CCDC38: variants seen among roughly 807,000 people sequenced by gnomAD.
CCDC38 encodes the protein coiled-coil domain-containing protein 38.
In CCDC38, 69 loss-of-function variants were observed where a neutral mutation model predicts 72.8. That is an observed-to-expected ratio of 0.95 (90% CI 0.78 to 1.16). The LOEUF (loss-of-function observed/expected upper bound fraction) is 1.16. CCDC38 is among the 50% of genes most tolerant of loss of function. CCDC38 has a pLI of 0.00. For missense variants in CCDC38, 626 were observed against 638.9 expected (o/e 0.98, Z 0.22); for synonymous variants, 201 against 213.2 (o/e 0.94, Z 0.50).
chr12:95,896,550 G>C, intron 7 of CCDC38: 1 of 152,232 alleles, frequency 6.6e-6, no homozygotes, highest in South Asian at 2.1e-4. Flanking sequence ...GCTGCTTCAC[G>C]TATCACCAGT....
intron 7 of CCDC38, chr12:95,896,641 C>G (rs371218979): frequency 8.5e-5 from 13 of 152,216 alleles, no homozygotes; most frequent in Admixed American, 8.5e-4. Context: ...ACAAAGAACA[C>G]GAGGTGACAA....
chr12:95,910,871 A>G (rs2080086234), intron 4 of CCDC38, among the ~76,000 whole-genome samples: 1 of 152,198 alleles, frequency 6.6e-6, no homozygotes, highest in South Asian at 2.1e-4. Context: ...CTCTAAATGA[A>G]TAAATAATTC....
chr12:95,901,180 G>T (rs2079946475), intron 5 of CCDC38, among the ~76,000 whole-genome samples: 1 of 152,168 alleles, frequency 6.6e-6, no homozygotes, highest in African/African-American at 2.4e-5. Context: ...TTTTGAAAAA[G>T]AATATTTTTG....
At chr12:95,888,870 A>G (rs1325831854) in intron 9 of CCDC38, among the ~76,000 whole-genome samples, 1 of 151,890 alleles carries the variant, frequency 6.6e-6, no homozygotes, top group Non-Finnish European at 1.5e-5. Flanking sequence ...ATGCAGAACT[A>G]TGTACTGTTT....
chr12:95,895,753 C>CAA (rs2079880463), intron 7 of CCDC38, among the ~76,000 whole-genome samples: 1 of 53,624 alleles, frequency 1.9e-5, no homozygotes, highest in Non-Finnish European at 3.0e-5. Flanking sequence ...AACTCTGTCT[C>CAA]GAAAAAAAAA....
intron 14 of CCDC38, among the ~76,000 whole-genome samples, chr12:95,871,683 GTGAA>G (rs1199398463): frequency 1.0e-5 from 1 of 99,628 alleles, no homozygotes; most frequent in East Asian, 2.0e-4. Context: ...GAATAAATGA[GTGAA>G]TGTTGTGTAC....
At chr12:95,907,847 G>A (rs1348803268) in intron 4 of CCDC38, among the ~76,000 whole-genome samples, 1 of 151,394 alleles carries the variant, frequency 6.6e-6, no homozygotes, top group African/African-American at 2.4e-5. Context: ...ACGATGGGTG[G>A]CCGGGCAGAG....
chr12:95,878,684 C>T (rs998694085), intron 12 of CCDC38, among the ~76,000 whole-genome samples: 4 of 151,994 alleles, frequency 2.6e-5, no homozygotes, highest in Non-Finnish European at 5.9e-5. Flanking sequence ...TGTGGGGAGC[C>T]GAGAGGGAAA....
intron 15 of CCDC38, 73 bp from the exon 16 acceptor site, chr12:95,867,262 C>G (rs1262954084): frequency 6.5e-6 from 5 of 771,352 alleles, no homozygotes; most frequent in Non-Finnish European, 9.0e-6. Context: ...TTGTGAAATA[C>G]CAATATTAAC....
chr12:95,882,408 T>C (rs1009080673), intron 10 of CCDC38, among the ~76,000 whole-genome samples: 1 of 151,810 alleles, frequency 6.6e-6, no homozygotes, highest in Admixed American at 6.6e-5. Flanking sequence ...AAAATGGAGG[T>C]AGCACTCACA....
At chr12:95,920,473 A>G (rs1053604420) in intron 2 of CCDC38, among the ~76,000 whole-genome samples, 5 of 152,226 alleles carry the variant, frequency 3.3e-5, no homozygotes, top group Non-Finnish European at 7.3e-5. Context: ...TCAACTGATT[A>G]ACGATAAACA....
At position 95,906,400 on chromosome 12, in the gene CCDC38, C is replaced by A; in HGVS notation, c.356G>T (p.Arg119Met). The change falls in exon 5 of 16, where the codon AGG (arginine) becomes ATG (methionine). Residue 119 changes from arginine (R) to methionine (M), a missense_variant. Arg to Met is a moderately conservative substitution (Grantham distance 91). Transcript: ENST00000344280. ...TATTTTTACTACCTCGAGCAGAAAC[C>A]TGTCTCTCTGGTCATTAATAAATTC... ...VHEFINDQRDRFLLEYALSTK... is the reference protein window; with the variant it reads ...VHEFINDQRDMFLLEYALSTK... 1 of 1,612,390 alleles carries A rather than the reference C, an allele frequency of 6.2e-7. No homozygotes were observed. The highest frequency in any genetic ancestry group is 8.5e-7 in the Non-Finnish European group (1 of 1,178,914).
chr12:95,886,456 T>A (rs2079760265), intron 10 of CCDC38, among the ~76,000 whole-genome samples: 1 of 151,946 alleles, frequency 6.6e-6, no homozygotes, highest in East Asian at 1.9e-4. Context: ...AAAGAAAAAA[T>A]TCATAACCCG....
intron 9 of CCDC38, among the ~76,000 whole-genome samples, chr12:95,890,156 C>T (rs941863709): frequency 6.6e-6 from 1 of 152,168 alleles, no homozygotes; most frequent in Non-Finnish European, 1.5e-5. Flanking sequence ...AAGTGATCCA[C>T]CTGCCTCAGC....
intron 13 of CCDC38, among the ~76,000 whole-genome samples, chr12:95,875,422 G>T (rs2079624873): frequency 1.1e-5 from 1 of 88,838 alleles, no homozygotes; most frequent in Admixed American, 9.6e-5. Context: ...ATTTTTAGGG[G>T]ATTAAGTATC....
At chr12:95,869,600 T>A (rs1192252863) in intron 14 of CCDC38, 27 bp from the exon 15 acceptor site, 1 of 1,531,680 alleles carries the variant, frequency 6.5e-7, no homozygotes, top group Admixed American at 1.7e-5. Flanking sequence ...GAAACATTCT[T>A]GTAACTATAA....
chr12:95,912,584 A>G (rs1365058716), intron 4 of CCDC38, among the ~76,000 whole-genome samples: 1 of 152,200 alleles, frequency 6.6e-6, no homozygotes, highest in Non-Finnish European at 1.5e-5. Flanking sequence ...AGTTTGTTAC[A>G]TATTTTCAAA....
chr12:95,942,982 G>T (rs2080470309), upstream of CCDC38: 2 of 157,936 alleles, frequency 1.3e-5, no homozygotes. Context: ...TCTACCCCAG[G>T]TTCCGGTCCC....
At chr12:95,937,996 T>C (rs1316059088) in intron 1 of CCDC38, among the ~76,000 whole-genome samples, 1 of 152,200 alleles carries the variant, frequency 6.6e-6, no homozygotes, top group African/African-American at 2.4e-5. Context: ...GGGCAATGGA[T>C]TTAACCAAGT....
Sources: gnomAD v4.1 joint callset for allele counts (sites outside exome capture counted in the v4.1 genomes callset) on GRCh38, gnomAD v4.1.1 for gene constraint, MANE v1.5 for transcripts, NCBI Gene and HGNC (gene_info 2026-07-23, HGNC 2026-07-21) for gene names.